SPATA6: variants seen among roughly 807,000 people sequenced by gnomAD.
SPATA6 encodes spermatogenesis-associated protein 6.
A neutral mutation model predicts 65.3 loss-of-function variants in SPATA6; 56 were observed. That is an observed-to-expected ratio of 0.86 (90% CI 0.69 to 1.07). The LOEUF (loss-of-function observed/expected upper bound fraction) is 1.07. Among genes scored for constraint, SPATA6 ranks in the 50% least tolerant of loss-of-function variants. SPATA6 has a pLI of 0.00. For missense variants in SPATA6, 590 were observed against 594.8 expected, an observed-to-expected ratio of 0.99 and a Z score of 0.08; for synonymous variants, 199 against 213.2, an observed-to-expected ratio of 0.93 and a Z score of 0.58.
chr1:48,335,661 C>A (rs918393205), intron 11 of SPATA6, among the ~76,000 whole-genome samples: 2 of 152,046 alleles, frequency 1.3e-5, no homozygotes, highest in African/African-American at 4.8e-5. Context: ...TAAATGTAAA[C>A]CCTGTAACTG....
At chr1:48,411,361 C>A in intron 5 of SPATA6, 103 bp downstream of exon 5, 1 of 1,296,144 alleles carries the variant, frequency 7.7e-7, no homozygotes, top group Non-Finnish European at 1.0e-6. Flanking sequence ...AACTAAATTA[C>A]ACTTTGAATT....
chr1:48,416,211 T>C (rs1420178420), intron 3 of SPATA6, among the ~76,000 whole-genome samples: 1 of 151,622 alleles, frequency 6.6e-6, no homozygotes, highest in Admixed American at 6.6e-5. Context: ...AAACAAAGTT[T>C]GAAAAGAAAT....
chr1:48,359,347 C>T (rs1646744350), intron 10 of SPATA6, among the ~76,000 whole-genome samples: 1 of 152,146 alleles, frequency 6.6e-6, no homozygotes, highest in Admixed American at 6.5e-5. Flanking sequence ...GAACTATAAT[C>T]TGTAATTAAG....
At chr1:48,399,103 G>C in intron 7 of SPATA6, 1 of 419,354 alleles carries the variant, frequency 2.4e-6, no homozygotes, top group Non-Finnish European at 4.2e-6. Context: ...GTATAAGAAA[G>C]GAAACCGGTA....
intron 3 of SPATA6, among the ~76,000 whole-genome samples, chr1:48,447,278 T>G (rs2787869): frequency 0.82 from 124,881 of 152,028 alleles, 51,636 homozygotes; most frequent in Middle Eastern, 0.91. Context: ...CAGCACTTTG[T>G]GAGGCCAAGG....
intron 3 of SPATA6, among the ~76,000 whole-genome samples, chr1:48,435,646 T>C (rs566546726): frequency 6.6e-6 from 1 of 152,254 alleles, no homozygotes; most frequent in East Asian, 1.9e-4. Context: ...ATCAGCACTC[T>C]GGGTCTAGCT....
intron 9 of SPATA6, among the ~76,000 whole-genome samples, chr1:48,380,355 C>A (rs1648420047): frequency 6.6e-6 from 1 of 152,098 alleles, no homozygotes; most frequent in South Asian, 2.1e-4. Flanking sequence ...CAAAAATAAT[C>A]CTGTGAACTT....
intron 1 of SPATA6, among the ~76,000 whole-genome samples, chr1:48,465,151 C>T (rs1421576873): frequency 2.0e-5 from 3 of 152,050 alleles, no homozygotes; most frequent in Admixed American, 2.0e-4. Context: ...CAAGAATACA[C>T]TTTTAAAGGA....
intron 5 of SPATA6, among the ~76,000 whole-genome samples, chr1:48,408,183 A>G (rs1329580882): frequency 2.0e-5 from 3 of 152,212 alleles, no homozygotes; most frequent in East Asian, 3.8e-4. Flanking sequence ...TTAGTTAACT[A>G]TATTTGTTCA....
chr1:48,315,627 C>T (rs954908547), intron 11 of SPATA6, among the ~76,000 whole-genome samples: 4 of 152,132 alleles, frequency 2.6e-5, no homozygotes, highest in African/African-American at 9.7e-5. Flanking sequence ...TGAAAACTGG[C>T]ACAAGACAGG....
At chr1:48,343,346 G>C (rs570068281) in intron 11 of SPATA6, among the ~76,000 whole-genome samples, 18 of 152,180 alleles carry the variant, frequency 1.2e-4, no homozygotes, top group Non-Finnish European at 2.6e-4. Context: ...TAAAAAAAAG[G>C]AAAACTAACT....
At chr1:48,289,379 C>T in the SPATA6 span, among the ~76,000 whole-genome samples, 1 of 152,186 alleles carries the variant, frequency 6.6e-6, no homozygotes, top group African/African-American at 2.4e-5. Flanking sequence ...GTAGATAAAA[C>T]CACAAAGATG....
rs1412342962 is a variant in SPATA6, at chr1:48,296,029, G to A, written c.*2684C>T. The A allele has an allele frequency of 6.6e-6, 1 of 151,524 alleles. No homozygotes were observed. The highest frequency in any genetic ancestry group is 6.6e-5 in the Admixed American group (1 of 15,216). The allele number at this position is 151,524 out of a possible 1,614,324, so 9.4% of individuals were successfully genotyped here. ...TTCCAATGATTCATCTTTATTTGTC[G>A]ATTTTGACATTTTTCTAAATCCCAA... is the stretch of plus-strand genomic sequence containing the variant. On this transcript the variant is annotated 3_prime_UTR_variant, in exon 13 of 13. Coordinates refer to ENST00000371847, the MANE Select transcript of SPATA6 (RefSeq NM_019073.4).
the SPATA6 span, among the ~76,000 whole-genome samples, chr1:48,285,789 T>G: frequency 6.6e-6 from 1 of 152,174 alleles, no homozygotes; most frequent in African/African-American, 2.4e-5. Context: ...CCAGTCCCAG[T>G]GGGATGAGCC....
chr1:48,450,725 C>A (rs1447204313), intron 3 of SPATA6, among the ~76,000 whole-genome samples: 1 of 152,162 alleles, frequency 6.6e-6, no homozygotes, highest in Non-Finnish European at 1.5e-5. Flanking sequence ...ATGAGACAGA[C>A]AATGGGCCAG....
intron 5 of SPATA6, among the ~76,000 whole-genome samples, chr1:48,405,468 G>T (rs562444902): frequency 1.3e-5 from 2 of 152,306 alleles, no homozygotes; most frequent in Non-Finnish European, 2.9e-5. Flanking sequence ...CATTTAGGCT[G>T]CAGTCAACTG....
At chr1:48,321,437 T>C (rs972161431) in intron 11 of SPATA6, among the ~76,000 whole-genome samples, 2 of 152,270 alleles carry the variant, frequency 1.3e-5, no homozygotes, top group Non-Finnish European at 1.5e-5. Flanking sequence ...ACAAGTTCAC[T>C]ATATAATGAT....
In SPATA6 at chr1:48,428,892, T is replaced by TG. The variant is rs1491377989; in HGVS notation, c.239-15742_239-15741insC. Reference sequence around the variant, plus strand: ...ACACGTGTGTGTGTGTGTGTGTGTGTTTGTGTGTGTGTGTGACAGATCTAT... The same window carrying TG: ...ACACGTGTGTGTGTGTGTGTGTGTGTGTTGTGTGTGTGTGTGACAGATCTAT... On this transcript the variant is annotated intron_variant, in intron 3 of 12. Coordinates refer to ENST00000371847, the MANE Select transcript of SPATA6 (RefSeq NM_019073.4). 3.4e-5 allele frequency among the ~76,000 whole-genome samples: 5 copies of TG among 147,344 alleles called. No individual in the cohort carries two copies. In the East Asian group the frequency reaches 6.1e-4, roughly 18 times the overall value.
At chr1:48,438,741 A>G (rs1655180138) in intron 3 of SPATA6, among the ~76,000 whole-genome samples, 1 of 152,122 alleles carries the variant, frequency 6.6e-6, no homozygotes, top group Non-Finnish European at 1.5e-5. Flanking sequence ...TCCCGCTTCT[A>G]AAAACCACTC....
Sources: allele counts gnomAD v4.1 joint callset (sites outside exome capture counted in the v4.1 genomes callset), GRCh38; gene constraint gnomAD v4.1.1; transcripts MANE v1.5; gene names NCBI Gene and HGNC (gene_info 2026-07-23, HGNC 2026-07-21).